SNX29: variants seen among roughly 807,000 people sequenced by gnomAD.
SNX29 encodes sorting nexin 29, also known as sorting nexin-29.
Under a neutral mutation model 102.1 loss-of-function variants are expected in SNX29, and 78 were observed. The ratio of observed to expected loss-of-function variants is 0.76; its 90% CI spans 0.64 to 0.92. The LOEUF (loss-of-function observed/expected upper bound fraction) is 0.92, where lower values mean the gene tolerates loss of function less well. Among genes scored for constraint, SNX29 ranks in the 40% least tolerant of loss-of-function variants. The probability of loss-of-function intolerance (pLI) is 0.00; values close to 1 mark genes in which losing one functional copy is unlikely to be tolerated. For missense variants in SNX29, 1,280 were observed against 1,061.7 expected (o/e 1.21, Z -2.86); for synonymous variants, 580 against 414.5 (o/e 1.40, Z -4.85).
intron 14 of SNX29, among the ~76,000 whole-genome samples, chr16:12,220,335 G>A (rs2077444203): frequency 6.7e-6 from 1 of 149,872 alleles, no homozygotes; most frequent in South Asian, 2.1e-4. Context: ...AGGGAGGGAG[G>A]GAGGGAGGGA....
In SNX29 at chr16:12,572,580, C is replaced by T; in HGVS notation, c.*3951C>T. On this transcript the variant is annotated 3_prime_UTR_variant, in exon 21 of 21. Coordinates refer to ENST00000566228, the MANE Select transcript of SNX29 (RefSeq NM_032167.5). Reference sequence around the variant, plus strand: ...CCTCACAGGGAGGTCCAGCCATGTTCTCTGGGCTCCCAGTGAGCCCCCTCC... The same window carrying T: ...CCTCACAGGGAGGTCCAGCCATGTTTTCTGGGCTCCCAGTGAGCCCCCTCC... 3.8e-6 allele frequency: 4 copies of T among 1,064,358 alleles called. No homozygotes were observed. The highest frequency in any genetic ancestry group is 5.0e-5 in the East Asian group (1 of 20,032). The allele number at this position is 1,064,358 out of a possible 1,614,324, so 65.9% of individuals were successfully genotyped here.
chr16:12,053,961 T>C (rs1317372871), intron 8 of SNX29, among the ~76,000 whole-genome samples: 1 of 151,886 alleles, frequency 6.6e-6, no homozygotes, highest in Non-Finnish European at 1.5e-5. Context: ...AAAGCTTATA[T>C]TGTCAGTTTT....
intron 20 of SNX29, among the ~76,000 whole-genome samples, chr16:12,566,112 A>T (rs1038914600): frequency 3.3e-5 from 5 of 152,174 alleles, no homozygotes; most frequent in African/African-American, 1.2e-4. Context: ...CCCCACCTTT[A>T]TTCTGTCCAA....
chr16:12,088,026 G>A (rs774005364), intron 11 of SNX29: 3 of 456,578 alleles, frequency 6.6e-6, no homozygotes, highest in African/African-American at 4.0e-5. Context: ...GCACTGCCCT[G>A]TCTCGTTCTG....
intron 20 of SNX29, among the ~76,000 whole-genome samples, chr16:12,526,339 G>C (rs1012029792): frequency 4.6e-5 from 7 of 152,156 alleles, no homozygotes; most frequent in Non-Finnish European, 1.0e-4. Context: ...GTACCATCCA[G>C]ATCGACATGA....
intron 16 of SNX29, among the ~76,000 whole-genome samples, chr16:12,388,038 C>G (rs2083395524): frequency 6.6e-6 from 1 of 152,270 alleles, no homozygotes; most frequent in Non-Finnish European, 1.5e-5. Context: ...TGGTTAACAG[C>G]AAATGGCCCA....
intron 17 of SNX29, among the ~76,000 whole-genome samples, chr16:12,400,366 G>A (rs1019904655): frequency 1.3e-5 from 2 of 152,178 alleles, no homozygotes; most frequent in African/African-American, 2.4e-5. Context: ...CATTGCCTCT[G>A]TGCTGGACAC....
chr16:12,197,848 T>A (rs2076816756), intron 13 of SNX29, among the ~76,000 whole-genome samples: 2 of 151,536 alleles, frequency 1.3e-5, no homozygotes, highest in Non-Finnish European at 2.9e-5. Flanking sequence ...TGTCTGAGTT[T>A]GATCCTTTTT....
rs148099202 is a variant in SNX29, at chr16:12,045,450, C to T, written c.429-934C>T. ...GACTCGGGAGACCTGCTTTTAAGCCCTGGCTGGACCATTTATTGGCCAGAT... is the reference window on the plus strand; with the variant it reads ...GACTCGGGAGACCTGCTTTTAAGCCTTGGCTGGACCATTTATTGGCCAGAT... On this transcript the variant is annotated intron_variant, in intron 5 of 20. Transcript: ENST00000566228. 3.1e-3 allele frequency among the ~76,000 whole-genome samples: 464 copies of T among 152,092 alleles called. 1 individual carries two copies. Among genetic ancestry groups the T allele is most frequent in the African/African-American group, 0.011 (444 of 41,492 alleles).
chr16:12,430,435 C>G (rs2085263648), intron 18 of SNX29, among the ~76,000 whole-genome samples: 1 of 152,222 alleles, frequency 6.6e-6, no homozygotes, highest in African/African-American at 2.4e-5. Flanking sequence ...GGGCAGTGAC[C>G]TTGGGATCAG....
intron 14 of SNX29, among the ~76,000 whole-genome samples, chr16:12,247,922 T>C (rs2078306284): frequency 6.6e-6 from 1 of 152,146 alleles, no homozygotes; most frequent in South Asian, 2.1e-4. Flanking sequence ...TGGTGTGTTG[T>C]TTACCACACA....
At chr16:12,412,233 A>G (rs1263431772) in intron 18 of SNX29, among the ~76,000 whole-genome samples, 1 of 152,190 alleles carries the variant, frequency 6.6e-6, no homozygotes, top group Non-Finnish European at 1.5e-5. Flanking sequence ...CACTGTTTTC[A>G]TGATCCCCAT....
At chr16:12,554,964 G>A (rs564695616) in intron 20 of SNX29, among the ~76,000 whole-genome samples, 2 of 151,882 alleles carry the variant, frequency 1.3e-5, no homozygotes, top group African/African-American at 2.4e-5. Context: ...AATGGAGGTG[G>A]TGAGGGGGGT....
intron 11 of SNX29, chr16:12,086,994 T>C (rs891921606): frequency 3.3e-5 from 5 of 152,180 alleles, no homozygotes; most frequent in Non-Finnish European, 5.9e-5. Flanking sequence ...ATTTCAGCTC[T>C]GTTATTGGCA....
chr16:12,425,793 T>G (rs1287952852), intron 18 of SNX29, among the ~76,000 whole-genome samples: 2 of 152,080 alleles, frequency 1.3e-5, no homozygotes, highest in East Asian at 3.9e-4. Flanking sequence ...ATTCCTCTCC[T>G]ATTGTGAGCA....
At chr16:12,318,730 G>C (rs1477623245) in intron 15 of SNX29, among the ~76,000 whole-genome samples, 2 of 151,734 alleles carry the variant, frequency 1.3e-5, no homozygotes, top group Non-Finnish European at 1.5e-5. Context: ...ACGAGGTACA[G>C]GGAGAAGGCT....
At chr16:12,240,742 A>AGT (rs140820613) in intron 14 of SNX29, among the ~76,000 whole-genome samples, 1 of 150,726 alleles carries the variant, frequency 6.6e-6, no homozygotes. Flanking sequence ...TGGGATTACA[A>AGT]GTGTGTGTGT....
At chr16:12,059,622 T>C (rs770339109) in intron 8 of SNX29, among the ~76,000 whole-genome samples, 10 of 152,162 alleles carry the variant, frequency 6.6e-5, no homozygotes, top group Non-Finnish European at 1.3e-4. Flanking sequence ...GCCTCTAAAA[T>C]AGGAGCTGGC....
In SNX29 at chr16:12,266,810, CTGAAGTGCAGT is replaced by C. The variant is rs2078942692; in HGVS notation, c.1679-11122_1679-11112del. On this transcript the variant is annotated intron_variant, in intron 14 of 20. Transcript: ENST00000566228. The stretch of plus-strand genomic sequence containing the variant: ...ATGGAGTCTTGCTCTGCCACCCAGG[CTGAAGTGCAGT>C]GGCACAATCTCAGCTCACTCCAACC... Among the ~76,000 whole-genome samples, 7 of 152,130 alleles carry C rather than the reference CTGAAGTGCAGT, an allele frequency of 4.6e-5. No homozygotes were observed. In the South Asian group the frequency reaches 1.5e-3, roughly 32 times the overall value.
Sources: gnomAD v4.1 joint callset for allele counts (sites outside exome capture counted in the v4.1 genomes callset) on GRCh38, gnomAD v4.1.1 for gene constraint, MANE v1.5 for transcripts, NCBI Gene and HGNC (gene_info 2026-07-23, HGNC 2026-07-21) for gene names.